The following DHODH variants were observed in gnomAD, a reference collection of about 807,000 sequenced individuals.
The protein encoded by DHODH is dihydroorotate dehydrogenase (quinone).
DHODH carries 30 observed loss-of-function variants against 39.7 expected under a neutral mutation model. That is an observed-to-expected ratio of 0.76 (90% CI 0.57 to 1.02). The LOEUF (loss-of-function observed/expected upper bound fraction) is 1.02, where lower values mean the gene tolerates loss of function less well. DHODH is among the 50% of genes least tolerant of loss of function. DHODH has a pLI of 0.00. For synonymous variants in DHODH, 222 were observed against 213.8 expected (o/e 1.04, Z -0.34); for missense variants, 531 against 520.8 (o/e 1.02, Z -0.19).
At chr16:72,012,010 C>G in intron 1 of DHODH, 40 bp from the exon 2 acceptor site, 1 of 1,579,286 alleles carries the variant, frequency 6.3e-7, no homozygotes. Flanking sequence ...GGTGCTGCAG[C>G]CTGGCCTGGG....
intron 4 of DHODH, among the ~76,000 whole-genome samples, chr16:72,019,965 A>AAC (rs1275407175): frequency 6.6e-6 from 1 of 152,042 alleles, no homozygotes; most frequent in African/African-American, 2.4e-5. Flanking sequence ...AACATGGTGA[A>AAC]ACCCCTTCTC....
rs966241996 is a variant in DHODH at position 72,024,995 on chromosome 16, C to T, written c.*796C>T. The T allele has an allele frequency of 6.6e-6, 1 of 152,210 alleles. No individual in the cohort carries two copies. Among genetic ancestry groups the T allele is most frequent in the South Asian group, 2.1e-4 (1 of 4,822 alleles). The allele number at this position is 152,210 out of a possible 1,614,324, so 9.4% of individuals were successfully genotyped here. On this transcript the variant is annotated 3_prime_UTR_variant, in exon 9 of 9. Coordinates refer to ENST00000219240, the MANE Select transcript of DHODH (RefSeq NM_001361.5). ...CACAAAACAAACAAACAAATTTTCC[C>T]GTTTCTCTCTGTCCCTTTCTCTATA...
intron 4 of DHODH, 148 bp from the exon 5 acceptor site, chr16:72,020,976 G>A (rs984056079): frequency 1.2e-6 from 1 of 804,590 alleles, no homozygotes; most frequent in Admixed American, 2.5e-5. Context: ...CCAGGCCGCA[G>A]TTGAGCACCT....
intron 4 of DHODH, 121 bp downstream of exon 4, chr16:72,017,227 T>C: frequency 1.0e-6 from 1 of 968,050 alleles, no homozygotes. Context: ...ACTGAGGACC[T>C]CAGGACACCT....
At chr16:72,012,808 T>G (rs1316778154) in intron 2 of DHODH, among the ~76,000 whole-genome samples, 3 of 152,166 alleles carry the variant, frequency 2.0e-5, no homozygotes, top group African/African-American at 7.2e-5. Context: ...CTTGAAATCT[T>G]TGGCCTAGAG....
At position 72,012,031 on chromosome 16, in the gene DHODH, A is replaced by G; in HGVS notation, c.22-19A>G. The G allele has an allele frequency of 6.2e-7, 1 of 1,612,506 alleles. No individual in the cohort carries two copies. The highest frequency in any genetic ancestry group is 1.1e-5 in the South Asian group (1 of 91,056). ...GCAGCCTGGCCTGGGGGACCCCCCT[A>G]ATATGCTCTTTTTTGCAGAAGCGGG... On this transcript the variant is annotated intron_variant, in intron 1 of 8. Transcript: ENST00000219240.
At chr16:72,013,158 ACTC>A (rs1429932182) in intron 2 of DHODH, among the ~76,000 whole-genome samples, 1 of 146,366 alleles carries the variant, frequency 6.8e-6, no homozygotes, top group African/African-American at 2.7e-5. Flanking sequence ...CCTACCTTAG[ACTC>A]CTCTTCACTA....
Position 72,024,420 on chromosome 16 carries a change from CA to C in DHODH, c.*224del. On this transcript the variant is annotated 3_prime_UTR_variant, in exon 9 of 9. Transcript: ENST00000219240. ...CTGCATTTTTGATTCTTTGTGGATT[CA>C]AACCCTAGGATCCATCAGTCTTGCA... 1.7e-6 allele frequency: 1 copy of C among 599,296 alleles called. No homozygotes were observed. Among genetic ancestry groups the C allele is most frequent in the South Asian group, 1.9e-5 (1 of 52,560 alleles). 37.1% of individuals were successfully genotyped at this position (599,296 alleles called of 1,614,324 possible).
intron 1 of DHODH, among the ~76,000 whole-genome samples, chr16:72,010,170 C>CCTT (rs2041067535): frequency 6.6e-6 from 1 of 152,232 alleles, no homozygotes; most frequent in Non-Finnish European, 1.5e-5. Flanking sequence ...GACTCCTGCT[C>CCTT]CTTTCTCCTG....
At chr16:72,009,087 G>T in intron 1 of DHODH, 1 of 1,342,724 alleles carries the variant, frequency 7.4e-7, no homozygotes, top group Non-Finnish European at 9.6e-7. Flanking sequence ...ACCGCCTAGC[G>T]TTGTGTGCCG....
intron 4 of DHODH, 150 bp downstream of exon 4, chr16:72,017,256 T>A (rs2041152254): frequency 3.7e-6 from 3 of 815,990 alleles, no homozygotes; most frequent in Admixed American, 4.1e-5. Context: ...GCGATTTTCC[T>A]GGTCCCACAC....
At position 72,012,071 on chromosome 16, in the gene DHODH, A is replaced by G; in HGVS notation, c.43A>G (p.Ile15Val). ...HLKKRAQDAVIILGGGGLLFA... is the reference protein window; with the variant it reads ...HLKKRAQDAVVILGGGGLLFA... ...GCAGAAGCGGGCCCAGGATGCTGTG[A>G]TCATCCTGGGGGGAGGAGGACTTCT... Residue 15 changes from isoleucine to valine, a missense_variant, in exon 2 of 9, where the codon ATC becomes GTC. Physicochemically the swap from Ile to Val is conservative, Grantham distance 29. Coordinates refer to ENST00000219240, the MANE Select transcript of DHODH (RefSeq NM_001361.5). 2.5e-6 allele frequency: 4 copies of G among 1,614,096 alleles called. No individual in the cohort carries two copies. Among genetic ancestry groups the G allele is most frequent in the Non-Finnish European group, 3.4e-6 (4 of 1,179,998 alleles).
At chr16:72,020,558 C>T (rs909044218) in intron 4 of DHODH, 4 of 154,502 alleles carry the variant, frequency 2.6e-5, no homozygotes, top group Admixed American at 1.9e-4. Context: ...CACCATGTTG[C>T]CCAGACTGGT....
At chr16:72,016,915 G>T in intron 3 of DHODH, 109 bp from the exon 4 acceptor site, 1 of 1,003,344 alleles carries the variant, frequency 1.0e-6, no homozygotes, top group South Asian at 1.3e-5. Flanking sequence ...GGAAGTGTAA[G>T]AACTGACTGT....
In DHODH at chr16:72,008,763, G is replaced by T. The variant is rs1279080965; in HGVS notation, c.-2G>T. On this transcript the variant is annotated 5_prime_UTR_variant, in exon 1 of 9. Coordinates refer to ENST00000219240, the MANE Select transcript of DHODH (RefSeq NM_001361.5). Reference sequence around the variant, plus strand: ...AGGGGCGGGCTTAATGACGGAAGGAGCATGGCGTGGAGACACCTGAAAGTG... The same window carrying T: ...AGGGGCGGGCTTAATGACGGAAGGATCATGGCGTGGAGACACCTGAAAGTG... The T allele has an allele frequency of 6.4e-7, 1 of 1,551,724 alleles. No homozygotes were observed. The highest frequency in any genetic ancestry group is 1.2e-5 in the South Asian group (1 of 84,064).
chr16:72,017,320 C>T (rs1270592207), intron 4 of DHODH, among the ~76,000 whole-genome samples: 1 of 152,202 alleles, frequency 6.6e-6, no homozygotes, highest in African/African-American at 2.4e-5. Context: ...CACTTTGCCT[C>T]TGCCTTGTTA....
chr16:72,017,972 C>T (rs2041161674), intron 4 of DHODH, among the ~76,000 whole-genome samples: 1 of 152,130 alleles, frequency 6.6e-6, no homozygotes. Context: ...GACGGGGTTT[C>T]ACTGTGTTAG....
intron 2 of DHODH, 131 bp from the exon 3 acceptor site, chr16:72,014,342 G>T: frequency 2.3e-6 from 2 of 853,026 alleles, no homozygotes; most frequent in Non-Finnish European, 3.8e-6. Flanking sequence ...TTTTGACCTT[G>T]GGGGTGGGCC....
In DHODH at chr16:72,023,554, G is replaced by A; in HGVS notation, c.1054G>A (p.Val352Met). 1 of 1,614,138 alleles carries A rather than the reference G, an allele frequency of 6.2e-7. No individual in the cohort carries two copies. The highest frequency in any genetic ancestry group is 8.5e-7 in the Non-Finnish European group (1 of 1,180,036). The change falls in exon 8 of 9, where the codon GTG (valine) becomes ATG (methionine). Residue 352 changes from valine to methionine, a missense_variant. By Grantham distance (21) the Val-to-Met change is conservative. Transcript: ENST00000219240. Reference sequence around the variant, plus strand: ...GAAGATCCGGGCAGGGGCCTCCCTGGTGCAGCTGTACACGGCCCTCACCTT... The same window carrying A: ...GAAGATCCGGGCAGGGGCCTCCCTGATGCAGCTGTACACGGCCCTCACCTT... ...LEKIRAGASL[V>M]QLYTALTFWG... is the part of the protein sequence containing the mutation.
Sources: gnomAD v4.1 joint callset for allele counts (sites outside exome capture counted in the v4.1 genomes callset) on GRCh38, gnomAD v4.1.1 for gene constraint, MANE v1.5 for transcripts, NCBI Gene and HGNC (gene_info 2026-07-23, HGNC 2026-07-21) for gene names.